SGCE: variants seen among roughly 807,000 people sequenced by gnomAD.
SGCE encodes sarcoglycan epsilon, also known as epsilon-sarcoglycan.
A neutral mutation model predicts 57.8 loss-of-function variants in SGCE; 26 were observed. That is an observed-to-expected ratio of 0.45 (90% confidence interval 0.33 to 0.62). The LOEUF (loss-of-function observed/expected upper bound fraction) is 0.62, where lower values mean the gene tolerates loss of function less well. SGCE is among the 20% of genes least tolerant of loss of function. The pLI, the probability that SGCE is intolerant of heterozygous loss-of-function variation, is 0.02. For missense variants in SGCE, 468 were observed against 548.6 expected, an observed-to-expected ratio of 0.85 and a Z score of 1.47; for synonymous variants, 183 against 189.5, an observed-to-expected ratio of 0.97 and a Z score of 0.28.
chr7:94,614,106 T>TA (rs1562832897), intron 5 of SGCE, among the ~76,000 whole-genome samples: 687 of 55,100 alleles, frequency 0.012, 10 homozygotes, highest in South Asian at 0.024. Context: ...CAAATTGAAA[T>TA]CAAAAAAAAA....
intron 5 of SGCE, among the ~76,000 whole-genome samples, chr7:94,606,593 C>T (rs1015575373): frequency 6.6e-6 from 1 of 152,180 alleles, no homozygotes; most frequent in Admixed American, 6.5e-5. Flanking sequence ...TTGGTAAAGA[C>T]ATAGTGAAAC....
intron 5 of SGCE, among the ~76,000 whole-genome samples, chr7:94,616,238 A>T (rs1801918817): frequency 6.6e-6 from 1 of 152,078 alleles, no homozygotes; most frequent in Non-Finnish European, 1.5e-5. Context: ...ACTGAGGGCT[A>T]CTCTTGGTCA....
At position 94,628,234 on chromosome 7, in the gene SGCE, C is replaced by T. The variant is rs1234121565; in HGVS notation, c.358G>A (p.Ala120Thr). The stretch of plus-strand genomic sequence containing the variant: ...ATTGTTGGCTTCCCCACATTTTCAG[C>T]TGTTGGGGACCCATATAGGACTCCA... ...SDGVLYGSPT[A>T]ENVGKPTIIE... The change falls in exon 3 of 11, where the codon GCT becomes ACT. Residue 120 changes from alanine (A) to threonine (T), a missense_variant. Ala to Thr is a moderately conservative substitution (Grantham distance 58). Transcript: ENST00000648936. 1 of 1,611,596 alleles carries T rather than the reference C, an allele frequency of 6.2e-7. No individual in the cohort carries two copies. Among genetic ancestry groups the T allele is most frequent in the Non-Finnish European group, 8.5e-7 (1 of 1,178,652 alleles).
intron 1 of SGCE, among the ~76,000 whole-genome samples, chr7:94,653,801 G>A (rs1808211973): frequency 6.6e-6 from 1 of 151,828 alleles, no homozygotes; most frequent in Non-Finnish European, 1.5e-5. Context: ...TAGTGAGATG[G>A]GAGAAAATTC....
intron 9 of SGCE, among the ~76,000 whole-genome samples, chr7:94,592,044 C>T (rs1584490503): frequency 6.6e-6 from 1 of 152,156 alleles, no homozygotes; most frequent in Non-Finnish European, 1.5e-5. Context: ...GATTCAACAT[C>T]CCCTGATTGG....
intron 5 of SGCE, among the ~76,000 whole-genome samples, chr7:94,603,993 G>C (rs115891579): frequency 1.3e-5 from 2 of 152,094 alleles, no homozygotes; most frequent in Non-Finnish European, 2.9e-5. Flanking sequence ...ACCCCTATAT[G>C]CTTGGTCTCT....
intron 10 of SGCE, chr7:94,587,244 A>G: frequency 2.0e-6 from 2 of 985,740 alleles, no homozygotes; most frequent in Non-Finnish European, 2.4e-6. Context: ...AGTACTTGCT[A>G]AAAAATCTAT....
At chr7:94,618,080 A>T (rs893893192) in intron 5 of SGCE, 7 of 152,228 alleles carry the variant, frequency 4.6e-5, no homozygotes, top group African/African-American at 1.7e-4. Context: ...CCCAGGCAGG[A>T]TTCTTTCTTG....
chr7:94,598,578 G>T, intron 9 of SGCE, 197 bp downstream of exon 9: 1 of 596,686 alleles, frequency 1.7e-6, no homozygotes, highest in Non-Finnish European at 3.0e-6. Flanking sequence ...ATCAGTGGGG[G>T]AAAAAAAGTG....
chr7:94,621,525 A>C (rs917055580), intron 4 of SGCE: 2 of 152,244 alleles, frequency 1.3e-5, no homozygotes, highest in Non-Finnish European at 2.9e-5. Context: ...TGCCTTGAGT[A>C]ATCTGTATCT....
At chr7:94,619,229 C>T (rs1488555065) in intron 4 of SGCE, 1 of 294,942 alleles carries the variant, frequency 3.4e-6, no homozygotes, top group Non-Finnish European at 6.3e-6. Context: ...GGCAAAACAA[C>T]TAAGAAAAGC....
chr7:94,623,591 C>T (rs1233570384), intron 3 of SGCE, 194 bp from the exon 4 acceptor site: 7 of 586,310 alleles, frequency 1.2e-5, no homozygotes, highest in African/African-American at 1.9e-5. Flanking sequence ...AATAATTAGT[C>T]AGGTCTATTT....
intron 1 of SGCE, among the ~76,000 whole-genome samples, chr7:94,653,382 T>C (rs891905211): frequency 1.3e-5 from 2 of 152,132 alleles, no homozygotes; most frequent in African/African-American, 2.4e-5. Flanking sequence ...CAGTTATTAT[T>C]TGATAAAATA....
At chr7:94,593,248 G>C (rs1355933137) in intron 9 of SGCE, among the ~76,000 whole-genome samples, 1 of 152,054 alleles carries the variant, frequency 6.6e-6, no homozygotes, top group Non-Finnish European at 1.5e-5. Context: ...TGTTTTGAGA[G>C]AGACCCAATT....
At chr7:94,651,846 T>C (rs74997838) in intron 1 of SGCE, among the ~76,000 whole-genome samples, 1 of 152,316 alleles carries the variant, frequency 6.6e-6, no homozygotes, top group East Asian at 1.9e-4. Flanking sequence ...AGACTCTATC[T>C]GATCCTATCA....
chr7:94,587,055 C>T (rs761432661), intron 10 of SGCE: 12 of 984,952 alleles, frequency 1.2e-5, no homozygotes, highest in Non-Finnish European at 1.4e-5. Context: ...GCAAAGCTTT[C>T]TTGACTCAAG....
At chr7:94,637,213 A>G (rs891250291) in intron 1 of SGCE, among the ~76,000 whole-genome samples, 1 of 152,184 alleles carries the variant, frequency 6.6e-6, no homozygotes, top group Non-Finnish European at 1.5e-5. Flanking sequence ...TATATCTGAG[A>G]CAGCATTTAA....
intron 4 of SGCE, 55 bp downstream of exon 4, chr7:94,623,270 A>C (rs1236137375): frequency 1.8e-6 from 2 of 1,112,898 alleles, no homozygotes; most frequent in Non-Finnish European, 2.7e-6. Flanking sequence ...TAGTTATAAA[A>C]CATAATGAAA....
In SGCE at chr7:94,623,324, C is replaced by T. The variant is rs1584663290; in HGVS notation, c.463+1G>A. ...AATGATCAACATATTTTCATACCTA[C>T]CTTCTGCAGACATTATATTAATTAT... On this transcript the variant is annotated splice_donor_variant, in intron 4 of 10. Coordinates refer to ENST00000648936, the MANE Select transcript of SGCE (RefSeq NM_003919.3). LOFTEE classifies it high-confidence loss of function. The T allele has an allele frequency of 6.4e-7, 1 of 1,561,846 alleles. No homozygotes were observed. Among genetic ancestry groups the T allele is most frequent in the Non-Finnish European group, 8.8e-7 (1 of 1,136,084 alleles).
Sources: gnomAD v4.1 joint callset for allele counts (sites outside exome capture counted in the v4.1 genomes callset) on GRCh38, gnomAD v4.1.1 for gene constraint, MANE v1.5 for transcripts, NCBI Gene and HGNC (gene_info 2026-07-23, HGNC 2026-07-21) for gene names.